BDNF: variants seen among roughly 807,000 people sequenced by gnomAD.
BDNF encodes the protein brain derived neurotrophic factor.
Under a neutral mutation model 19.5 loss-of-function variants are expected in BDNF, and 1 was observed. That is an observed-to-expected ratio of 0.05 (90% CI 0.02 to 0.24). The LOEUF (loss-of-function observed/expected upper bound fraction) is 0.24. Ranked by LOEUF, BDNF falls within the 10% of genes least tolerant of loss-of-function variation. The probability of loss-of-function intolerance (pLI) is 1.00; values close to 1 mark genes in which losing one functional copy is unlikely to be tolerated. For missense variants in BDNF, 195 were observed against 317.6 expected (o/e 0.61, Z 2.93); for synonymous variants, 100 against 121.6 (o/e 0.82, Z 1.17).
At chr11:27,672,192 G>C (rs7940188) in intron 1 of BDNF, among the ~76,000 whole-genome samples, 17,320 of 152,084 alleles carry the variant, frequency 0.11, 2,491 homozygotes, top group African/African-American at 0.3. Context: ...TTATAAACAT[G>C]ATTAGTTCAA....
chr11:27,707,329 G>A (rs530051901), intron 1 of BDNF, among the ~76,000 whole-genome samples: 1 of 152,324 alleles, frequency 6.6e-6, no homozygotes, highest in Admixed American at 6.5e-5. Flanking sequence ...CATGGGATCA[G>A]CAGAAATATT....
At chr11:27,662,298 A>T (rs979991178) in intron 1 of BDNF, among the ~76,000 whole-genome samples, 1 of 152,188 alleles carries the variant, frequency 6.6e-6, no homozygotes, top group African/African-American at 2.4e-5. Context: ...GAGGGAATGG[A>T]TCATGTCTGA....
intron 1 of BDNF, among the ~76,000 whole-genome samples, chr11:27,666,567 T>C (rs1204559865): frequency 6.6e-6 from 1 of 152,080 alleles, no homozygotes; most frequent in Non-Finnish European, 1.5e-5. Flanking sequence ...AAAAACAGCA[T>C]AGAGAAGACC....
chr11:27,688,597 T>C (rs1857819806), intron 1 of BDNF, among the ~76,000 whole-genome samples: 1 of 152,192 alleles, frequency 6.6e-6, no homozygotes, highest in Non-Finnish European at 1.5e-5. Context: ...AAATGTGTAG[T>C]ATCTGGGCCA....
chr11:27,662,024 A>G (rs1750698677), intron 1 of BDNF, among the ~76,000 whole-genome samples: 1 of 151,942 alleles, frequency 6.6e-6, no homozygotes, highest in African/African-American at 2.4e-5. Context: ...TTTTCCCAAG[A>G]CAGAGTCTTG....
chr11:27,683,865 T>C (rs1857153881), intron 1 of BDNF, among the ~76,000 whole-genome samples: 1 of 152,222 alleles, frequency 6.6e-6, no homozygotes, highest in Non-Finnish European at 1.5e-5. Flanking sequence ...TTCATTTTGC[T>C]TAGGATTGTC....
intron 1 of BDNF, among the ~76,000 whole-genome samples, chr11:27,667,583 G>C (rs965154324): frequency 2.0e-5 from 3 of 151,966 alleles, no homozygotes; most frequent in Non-Finnish European, 2.9e-5. Context: ...ATCTACCAAG[G>C]AAATGGAAAG....
At chr11:27,716,986 A>G (rs927298035) in intron 1 of BDNF, among the ~76,000 whole-genome samples, 2 of 152,172 alleles carry the variant, frequency 1.3e-5, no homozygotes, top group Non-Finnish European at 2.9e-5. Flanking sequence ...GTGGTCATCC[A>G]GTCCCTTGCC....
chr11:27,700,473 G>T, upstream of BDNF: 4 of 982,982 alleles, frequency 4.1e-6, no homozygotes, highest in Non-Finnish European at 4.8e-6. Context: ...GCCCGGGTCA[G>T]ACATTATTTA....
chr11:27,720,467 A>G (rs1456057062), intron 1 of BDNF: 1 of 985,758 alleles, frequency 1.0e-6, no homozygotes, highest in Admixed American at 6.1e-5. Flanking sequence ...CTACACCGCT[A>G]GGAAGCCAAC....
chr11:27,657,994 A>G lies in BDNF; in HGVS notation c.571T>C (p.Tyr191His). 6.2e-7 allele frequency: 1 copy of G among 1,614,018 alleles called. No homozygotes were observed. The highest frequency in any genetic ancestry group is 8.5e-7 in the Non-Finnish European group (1 of 1,180,026). The part of the protein sequence containing the change: ...FYETKCNPMG[Y>H]TKEGCRGIDK... ...ATGCCCCTGCAGCCTTCTTTTGTGT[A>G]ACCCATGGGATTGCACTTGGTCTCG... Residue 191 changes from tyrosine to histidine, a missense_variant, in exon 2 of 2, where the codon TAC (tyrosine) becomes CAC (histidine). This residue lies in a region of BDNF where 71 missense variants were observed against 162.6 expected (regional missense o/e 0.44). Transcript: ENST00000356660. This position sits in a 1 kb window ranked among gnomAD's most constrained non-coding sequence, Gnocchi z 5.0.
chr11:27,702,763 T>C (rs952157794), upstream of BDNF, among the ~76,000 whole-genome samples: 2 of 152,146 alleles, frequency 1.3e-5, no homozygotes. Flanking sequence ...ACAGAAATTA[T>C]TTACCCGTTT....
intron 1 of BDNF, among the ~76,000 whole-genome samples, chr11:27,697,162 C>CAG (rs1271043342): frequency 0.01 from 1,266 of 125,100 alleles, 8 homozygotes; most frequent in African/African-American, 0.016. Flanking sequence ...CACACACACA[C>CAG]ACAGAGAGAG....
exon 1 of BDNF, chr11:27,721,695 T>C: frequency 1.8e-6 from 1 of 545,820 alleles, no homozygotes; most frequent in Non-Finnish European, 3.3e-6. Flanking sequence ...GAGACACGTT[T>C]CCTTTTGAGT....
chr11:27,674,370 C>G, intron 1 of BDNF: 1 of 1,509,386 alleles, frequency 6.6e-7, no homozygotes, highest in East Asian at 2.5e-5. Context: ...GTGCTCATTA[C>G]TTGTAGCTTA....
At chr11:27,700,794 C>G, upstream of BDNF, 2 of 1,204,268 alleles carry the variant, frequency 1.7e-6, no homozygotes, top group Non-Finnish European at 2.1e-6. Context: ...CCCGGGGAAC[C>G]CCGCGTCCCG....
At chr11:27,673,021 C>T (rs1855604021) in intron 1 of BDNF, among the ~76,000 whole-genome samples, 1 of 152,044 alleles carries the variant, frequency 6.6e-6, no homozygotes. Context: ...AAGTCATTTG[C>T]AAATGGGTGG....
chr11:27,681,785 T>A (rs2133961632), intron 1 of BDNF, among the ~76,000 whole-genome samples: 1 of 152,278 alleles, frequency 6.6e-6, no homozygotes, highest in African/African-American at 2.4e-5. Context: ...TGAAATTCAT[T>A]AAGCATTTAC....
chr11:27,707,848 G>A, intron 1 of BDNF, among the ~76,000 whole-genome samples: 1 of 152,244 alleles, frequency 6.6e-6, no homozygotes, highest in African/African-American at 2.4e-5. Flanking sequence ...CTGGGAATGG[G>A]GGGTGGTGTG....
Sources: gnomAD v4.1 joint callset for allele counts (sites outside exome capture counted in the v4.1 genomes callset) on GRCh38, gnomAD v4.1.1 for gene constraint, gnomAD v4.1.1 regional missense constraint, Gnocchi (gnomAD v3.1) non-coding constraint, MANE v1.5 for transcripts, NCBI Gene and HGNC (gene_info 2026-07-23, HGNC 2026-07-21) for gene names.